MPP4: variants seen among roughly 807,000 people sequenced by gnomAD.
MPP4 encodes the protein MAGUK p55 subfamily member 4.
A neutral mutation model predicts 98.3 loss-of-function variants in MPP4; 91 were observed. The observed-to-expected ratio is 0.93, with a 90% CI of 0.78 to 1.10. MPP4 has a LOEUF of 1.10. Among genes scored for constraint, MPP4 ranks in the 50% least tolerant of loss-of-function variants. The pLI is 0.00. For missense variants in MPP4, 744 were observed against 792.9 expected (o/e 0.94, Z 0.74); for synonymous variants, 261 against 271.8 (o/e 0.96, Z 0.39).
At chr2:201,695,376 G>A (rs1468792) in intron 1 of MPP4, among the ~76,000 whole-genome samples, 123,642 of 152,192 alleles carry the variant, frequency 0.81, 50,777 homozygotes, top group Non-Finnish European at 0.87. Context: ...GCCCTGTATA[G>A]CTTTCAAATG....
At chr2:201,670,416 A>T (rs1419435255) in intron 11 of MPP4, among the ~76,000 whole-genome samples, 1 of 152,190 alleles carries the variant, frequency 6.6e-6, no homozygotes, top group Non-Finnish European at 1.5e-5. Context: ...TACCGGAAAC[A>T]TTCCCTAAGA....
Position 201,685,100 on chromosome 2 carries a change from C to T in MPP4, c.538G>A (p.Ala180Thr). 6.2e-7 allele frequency: 1 copy of T among 1,610,082 alleles called. No homozygotes were observed. Among genetic ancestry groups the T allele is most frequent in the Non-Finnish European group, 8.5e-7 (1 of 1,178,384 alleles). The stretch of plus-strand genomic sequence containing the variant: ...GCCAGCCCACCGTGGATGATCCTGG[C>T]CACCAAGATGTCCCCTGTCATCTCG... ...RHEMTGDILV[A>T]RIIHGGLAER... The change falls in exon 7 of 22, where the codon GCC (alanine) becomes ACC (threonine). Residue 180 changes from alanine to threonine, a missense_variant. Ala to Thr is a moderately conservative substitution (Grantham distance 58). Transcript: ENST00000409474.
intron 12 of MPP4, among the ~76,000 whole-genome samples, chr2:201,668,615 G>A (rs1191767736): frequency 6.6e-6 from 1 of 152,090 alleles, no homozygotes; most frequent in Non-Finnish European, 1.5e-5. Flanking sequence ...AACCAACCCT[G>A]CTGGAACCTT....
chr2:201,656,504 T>C (rs1189374873), intron 16 of MPP4, 136 bp from the exon 17 acceptor site: 1 of 855,162 alleles, frequency 1.2e-6, no homozygotes, highest in Non-Finnish European at 1.7e-6. Context: ...AGTTAGAAGA[T>C]GGGAAGTAAT....
At chr2:201,661,719 C>A in intron 14 of MPP4, 1 of 439,602 alleles carries the variant, frequency 2.3e-6, no homozygotes, top group Non-Finnish European at 4.6e-6. Flanking sequence ...AGGTGAGGAA[C>A]CTGAAGGGCA....
chr2:201,679,502 A>G (rs1199875921), intron 10 of MPP4, among the ~76,000 whole-genome samples: 1 of 152,080 alleles, frequency 6.6e-6, no homozygotes, highest in Non-Finnish European at 1.5e-5. Flanking sequence ...AACTTCCACA[A>G]GTGCCTGCCA....
rs1559020696 is a variant in MPP4 at position 201,693,959 on chromosome 2, C to T, written c.-5G>A. 4 of 1,613,938 alleles carry T rather than the reference C, an allele frequency of 2.5e-6. No individual in the cohort carries two copies. The South Asian group carries it at 4.4e-5, about 18-fold the overall frequency. ...TCCTTTGTCTGACTGTATCATCCTC[C>T]CTGCCGGAGCTTCTGAAAGGAATTC... On this transcript the variant is annotated 5_prime_UTR_variant, in exon 2 of 22. Transcript: ENST00000409474.
rs1444220945 is a variant in MPP4, at chr2:201,682,858, C to T, written c.633G>A (p.Leu211=). 1 of 1,613,944 alleles carries T rather than the reference C, an allele frequency of 6.2e-7. No homozygotes were observed. Among genetic ancestry groups the T allele is most frequent in the East Asian group, 2.2e-5 (1 of 44,886 alleles). The change falls in exon 8 of 22, where the codon CTG becomes CTA. Residue 211 remains leucine, a synonymous_variant. Coordinates refer to ENST00000409474, the MANE Select transcript of MPP4 (RefSeq NM_033066.3). ...GAATATGGATCACTTGTTCAGGGTCCAGTCCCTCAACTGAAACTCCATTCA... is the reference window on the plus strand; with the variant it reads ...GAATATGGATCACTTGTTCAGGGTCTAGTCCCTCAACTGAAACTCCATTCA... ...VEVNGVSVEG[L]DPEQVIHILA... is the part of the protein sequence containing the mutation.
At position 201,676,320 on chromosome 2, in the gene MPP4, A is replaced by T. The variant is rs79362565; in HGVS notation, c.930-1049T>A. Among the ~76,000 whole-genome samples the T allele has an allele frequency of 5.6e-4, 86 of 152,342 alleles. 1 individual carries two copies. The East Asian group carries it at 7.0e-3, about 12-fold the overall frequency. Reference sequence around the variant, plus strand: ...TCAAGCAATGTGGTGGAGGTTGAACAGTTAGCAGCAGGAGGCATCTATGCT... The same window carrying T: ...TCAAGCAATGTGGTGGAGGTTGAACTGTTAGCAGCAGGAGGCATCTATGCT... On this transcript the variant is annotated intron_variant, in intron 10 of 21. Coordinates refer to ENST00000409474, the MANE Select transcript of MPP4 (RefSeq NM_033066.3).
At chr2:201,645,659 T>G (rs1346444224) in intron 21 of MPP4, among the ~76,000 whole-genome samples, 1 of 147,660 alleles carries the variant, frequency 6.8e-6, no homozygotes, top group Non-Finnish European at 1.5e-5. Context: ...ATAAAATAAT[T>G]TTTTTTTTTT....
chr2:201,650,041 G>T (rs764105460), intron 19 of MPP4, 31 bp downstream of exon 19: 12 of 1,512,120 alleles, frequency 7.9e-6, no homozygotes, highest in African/African-American at 1.4e-5. Context: ...ACAACAAGAG[G>T]TAAGAATCAG....
chr2:201,681,276 G>C (rs1688658718), intron 9 of MPP4, among the ~76,000 whole-genome samples: 1 of 152,142 alleles, frequency 6.6e-6, no homozygotes, highest in Non-Finnish European at 1.5e-5. Flanking sequence ...AAATGTTCAT[G>C]ATTTTTTATG....
chr2:201,651,952 CAAACA>C, intron 18 of MPP4: 1 of 722,740 alleles, frequency 1.4e-6, no homozygotes, highest in Non-Finnish European at 1.6e-6. Flanking sequence ...GACTCCATCT[CAAACA>C]AAACAAAACA....
intron 14 of MPP4, 55 bp from the exon 15 acceptor site, chr2:201,660,401 G>A: frequency 6.3e-7 from 1 of 1,586,906 alleles, no homozygotes; most frequent in Non-Finnish European, 8.7e-7. Context: ...CCTTTAAGAA[G>A]ATCATGTTAG....
At chr2:201,688,654 C>T (rs1408162357) in intron 4 of MPP4, among the ~76,000 whole-genome samples, 1 of 152,162 alleles carries the variant, frequency 6.6e-6, no homozygotes, top group African/African-American at 2.4e-5. Context: ...CACTCTGTCA[C>T]CCAGGTTGGA....
chr2:201,660,054 CTTAA>C (rs1176599887), intron 15 of MPP4, among the ~76,000 whole-genome samples: 1 of 152,044 alleles, frequency 6.6e-6, no homozygotes, highest in Non-Finnish European at 1.5e-5. Flanking sequence ...ATTCATAAAG[CTTAA>C]TTATTTTTAT....
At chr2:201,693,731 T>C in intron 2 of MPP4, 145 bp downstream of exon 2, 1 of 894,910 alleles carries the variant, frequency 1.1e-6, no homozygotes, top group Non-Finnish European at 1.8e-6. Context: ...AAGTTATCAC[T>C]GGTAGGGCAG....
intron 1 of MPP4, among the ~76,000 whole-genome samples, chr2:201,695,478 AC>A (rs1689153086): frequency 6.6e-6 from 1 of 152,138 alleles, no homozygotes; most frequent in African/African-American, 2.4e-5. Flanking sequence ...AACACAAGAC[AC>A]TTTTGCACTG....
At chr2:201,653,601 G>GCATTATTATA (rs1376676662) in intron 18 of MPP4, among the ~76,000 whole-genome samples, 1 of 152,100 alleles carries the variant, frequency 6.6e-6, no homozygotes, top group Non-Finnish European at 1.5e-5. Context: ...TAGAAACGAT[G>GCATTATTATA]CATTATTATA....
Sources: allele counts gnomAD v4.1 joint callset (sites outside exome capture counted in the v4.1 genomes callset), GRCh38; gene constraint gnomAD v4.1.1; transcripts MANE v1.5; gene names NCBI Gene and HGNC (gene_info 2026-07-23, HGNC 2026-07-21).